The following C12orf42 variants were observed in gnomAD, a reference collection of about 807,000 sequenced individuals.
C12orf42 encodes chromosome 12 open reading frame 42, also known as uncharacterized protein C12orf42.
Under a neutral mutation model 21.6 loss-of-function variants are expected in C12orf42, and 25 were observed. The ratio of observed to expected loss-of-function variants is 1.16; its 90% CI spans 0.84 to 1.62. The LOEUF (loss-of-function observed/expected upper bound fraction) is 1.62. Among genes scored for constraint, C12orf42 ranks in the 40% most tolerant of loss-of-function variants. The pLI is 0.00. For synonymous variants in C12orf42, 174 were observed against 175.0 expected, an observed-to-expected ratio of 0.99 and a Z score of 0.05; for missense variants, 483 against 459.3, an observed-to-expected ratio of 1.05 and a Z score of -0.47.
the C12orf42 span, among the ~76,000 whole-genome samples, chr12:103,127,082 T>C: frequency 1.3e-5 from 2 of 152,202 alleles, no homozygotes; most frequent in Non-Finnish European, 2.9e-5. Flanking sequence ...GAAGATGATA[T>C]GTGGAGAATT....
chr12:103,455,928 C>T (rs1241660330), intron 2 of C12orf42, among the ~76,000 whole-genome samples: 1 of 152,054 alleles, frequency 6.6e-6, no homozygotes, highest in African/African-American at 2.4e-5. Context: ...GCACCAATTA[C>T]TCTATCTCCT....
intron 2 of C12orf42, among the ~76,000 whole-genome samples, chr12:103,414,459 T>C (rs1480550955): frequency 1.3e-5 from 2 of 152,218 alleles, no homozygotes; most frequent in African/African-American, 4.8e-5. Context: ...AGGAATAGCA[T>C]TGAATCCGTA....
intron 4 of C12orf42, among the ~76,000 whole-genome samples, chr12:103,327,900 C>T (rs985574367): frequency 3.3e-5 from 5 of 152,110 alleles, no homozygotes; most frequent in African/African-American, 1.2e-4. Flanking sequence ...CCATTCATTG[C>T]AAGTAACCAG....
chr12:103,176,061 T>C, the C12orf42 span, among the ~76,000 whole-genome samples: 1 of 151,956 alleles, frequency 6.6e-6, no homozygotes, highest in Non-Finnish European at 1.5e-5. Context: ...ATGTGGCACT[T>C]CTCTTATTCT....
chr12:103,072,011 A>C, the C12orf42 span, among the ~76,000 whole-genome samples: 1 of 152,154 alleles, frequency 6.6e-6, no homozygotes, highest in South Asian at 2.1e-4. Flanking sequence ...CATCATCTCT[A>C]TCTGTTCCTG....
At chr12:103,470,230 T>A (rs1953484403) in intron 2 of C12orf42, among the ~76,000 whole-genome samples, 1 of 152,202 alleles carries the variant, frequency 6.6e-6, no homozygotes, top group Non-Finnish European at 1.5e-5. Context: ...TTTCAATGCT[T>A]TCACACTGTC....
upstream of C12orf42, among the ~76,000 whole-genome samples, chr12:103,499,458 G>A (rs541869639): frequency 1.3e-5 from 2 of 152,302 alleles, no homozygotes; most frequent in South Asian, 4.2e-4. Flanking sequence ...CAAAGGTTGA[G>A]GGGCATCTGT....
chr12:103,394,889 G>A (rs2047384611), intron 3 of C12orf42, among the ~76,000 whole-genome samples: 1 of 152,210 alleles, frequency 6.6e-6, no homozygotes, highest in South Asian at 2.1e-4. Context: ...AAAGGTGGGA[G>A]CTTCCAGAGA....
chr12:103,349,742 T>G (rs2042950671), intron 4 of C12orf42, among the ~76,000 whole-genome samples: 2 of 152,200 alleles, frequency 1.3e-5, no homozygotes, highest in South Asian at 4.1e-4. Context: ...ATAACTTTAC[T>G]TCTTGTTAAA....
intron 2 of C12orf42, among the ~76,000 whole-genome samples, chr12:103,444,686 T>C (rs886442755): frequency 6.6e-6 from 1 of 152,086 alleles, no homozygotes; most frequent in African/African-American, 2.4e-5. Context: ...TTTGAATTAG[T>C]TTCTCCATAT....
the C12orf42 span, among the ~76,000 whole-genome samples, chr12:103,073,071 T>C: frequency 3.8e-4 from 58 of 152,154 alleles, no homozygotes; most frequent in East Asian, 0.011. Flanking sequence ...AGCAAGCTAA[T>C]ACAGGAACAG....
the C12orf42 span, among the ~76,000 whole-genome samples, chr12:103,180,011 C>T: frequency 6.6e-6 from 1 of 152,000 alleles, no homozygotes; most frequent in Non-Finnish European, 1.5e-5. Context: ...GGGAGCATGA[C>T]AAATTCTGGT....
chr12:103,099,282 G>T, the C12orf42 span, among the ~76,000 whole-genome samples: 2 of 152,198 alleles, frequency 1.3e-5, no homozygotes, highest in Non-Finnish European at 2.9e-5. Context: ...TTGTGATGTG[G>T]ATTACCTAAC....
At chr12:103,389,017 T>C (rs2046854347) in intron 3 of C12orf42, among the ~76,000 whole-genome samples, 5 of 152,122 alleles carry the variant, frequency 3.3e-5, no homozygotes, top group South Asian at 2.1e-4. Context: ...ATGGTCCAAA[T>C]TGAGACAGAT....
chr12:103,561,449 A>G, the C12orf42 span, among the ~76,000 whole-genome samples: 1 of 152,296 alleles, frequency 6.6e-6, no homozygotes, highest in African/African-American at 2.4e-5. Context: ...TCGGTTGCAG[A>G]CATCCAACTT....
the C12orf42 span, among the ~76,000 whole-genome samples, chr12:103,153,839 C>A: frequency 2.0e-5 from 3 of 151,880 alleles, no homozygotes; most frequent in Non-Finnish European, 4.4e-5. Context: ...CATATACTCA[C>A]CAGAAAACAA....
chr12:103,414,838 A>G (rs185856917), intron 2 of C12orf42, among the ~76,000 whole-genome samples: 1 of 152,148 alleles, frequency 6.6e-6, no homozygotes, highest in Non-Finnish European at 1.5e-5. Context: ...GTGAAGAGAG[A>G]TAGTTTAACT....
chr12:103,321,031 TAAC>T (rs2040041010), intron 4 of C12orf42, among the ~76,000 whole-genome samples: 1 of 152,204 alleles, frequency 6.6e-6, no homozygotes, highest in Non-Finnish European at 1.5e-5. Flanking sequence ...TACATATAAA[TAAC>T]AATTCTAAGT....
the C12orf42 span, among the ~76,000 whole-genome samples, chr12:103,520,482 AG>A: frequency 6.6e-6 from 1 of 152,180 alleles, no homozygotes; most frequent in Non-Finnish European, 1.5e-5. Flanking sequence ...TGAGGCCAGA[AG>A]TTTGAGACCA....
Sources: gnomAD v4.1 joint callset for allele counts (sites outside exome capture counted in the v4.1 genomes callset) on GRCh38, gnomAD v4.1.1 for gene constraint, MANE v1.5 for transcripts, NCBI Gene and HGNC (gene_info 2026-07-23, HGNC 2026-07-21) for gene names.